Variants in PCDHA5 observed in about 807,000 individuals in gnomAD.
PCDHA5 encodes protocadherin alpha 5, also known as protocadherin alpha-5.
In PCDHA5, 43 loss-of-function variants were observed where a neutral mutation model predicts 61.6. That is an observed-to-expected ratio of 0.70 (90% CI 0.55 to 0.90). The LOEUF (loss-of-function observed/expected upper bound fraction) is 0.90, where lower values mean the gene tolerates loss of function less well. Ranked by LOEUF, PCDHA5 falls within the 40% of genes least tolerant of loss-of-function variation. PCDHA5 has a pLI of 0.00. For synonymous variants in PCDHA5, 627 were observed against 543.9 expected, an observed-to-expected ratio of 1.15 and a Z score of -2.13; for missense variants, 1,298 against 1,222.7, an observed-to-expected ratio of 1.06 and a Z score of -0.92.
At chr5:141,004,833 C>A (rs1421886072) in intron 3 of PCDHA5, among the ~76,000 whole-genome samples, 1 of 152,168 alleles carries the variant, frequency 6.6e-6, no homozygotes, top group Non-Finnish European at 1.5e-5. Flanking sequence ...TTAGATAGAT[C>A]AAAGTCATTA....
intron 1 of PCDHA5, chr5:140,877,744 G>A (rs200651425): frequency 6.2e-7 from 1 of 1,614,080 alleles, no homozygotes; most frequent in African/African-American, 1.3e-5. Flanking sequence ...GAGGCAGAGG[G>A]TGTGCTCTGC....
At chr5:140,867,399 A>C (rs1001723593) in intron 1 of PCDHA5, 2 of 152,166 alleles carry the variant, frequency 1.3e-5, no homozygotes, top group African/African-American at 4.8e-5. Flanking sequence ...AAAAGTTGAT[A>C]TGTCTCCTTT....
chr5:140,837,528 A>G (rs1205185632), intron 1 of PCDHA5, among the ~76,000 whole-genome samples: 2 of 151,654 alleles, frequency 1.3e-5, no homozygotes, highest in African/African-American at 2.4e-5. Flanking sequence ...TTTTTTGTAT[A>G]TTCCCAAGAT....
intron 1 of PCDHA5, chr5:140,966,656 G>A: frequency 8.3e-7 from 1 of 1,203,372 alleles, no homozygotes; most frequent in East Asian, 3.0e-5. Flanking sequence ...GTGAGCGGTG[G>A]GGGAGCAGGC....
chr5:140,947,192 C>T (rs958443362), intron 1 of PCDHA5, among the ~76,000 whole-genome samples: 2 of 151,038 alleles, frequency 1.3e-5, no homozygotes, highest in Admixed American at 6.6e-5. Flanking sequence ...GTATACTACA[C>T]AGCCTTAAAA....
intron 1 of PCDHA5, among the ~76,000 whole-genome samples, chr5:140,923,382 G>A (rs1554201427): frequency 6.6e-6 from 1 of 152,114 alleles, no homozygotes; most frequent in Non-Finnish European, 1.5e-5. Context: ...TTAAAAATTA[G>A]TTGGGCATGG....
In PCDHA5 at chr5:140,883,010, A is replaced by G. The variant is rs149814661; in HGVS notation, c.2352+58883A>G. 9.8e-4 allele frequency: 1,586 copies of G among 1,614,156 alleles called. 2 individuals carry two copies. The highest frequency in any genetic ancestry group is 1.3e-3 in the Non-Finnish European group (1,478 of 1,180,036). ...CCCGGAATTTTACCAATCCGTTTAT[A>G]AAGTGACGGTGTTAGAGAACGCCTT... On this transcript the variant is annotated intron_variant, in intron 1 of 3. Coordinates refer to ENST00000529859, the MANE Select transcript of PCDHA5 (RefSeq NM_018908.3).
At position 140,850,757 on chromosome 5, in the gene PCDHA5, G is replaced by C. The variant is rs1554144879; in HGVS notation, c.2352+26630G>C. On this transcript the variant is annotated intron_variant, in intron 1 of 3. Coordinates refer to ENST00000529859, the MANE Select transcript of PCDHA5 (RefSeq NM_018908.3). ...GGAGTTGGTCGTACTCGCAGCAGAGGAGGCAGAGGGTGTGCTCTGGCGAGG... is the reference window on the plus strand; with the variant it reads ...GGAGTTGGTCGTACTCGCAGCAGAGCAGGCAGAGGGTGTGCTCTGGCGAGG... The C allele has an allele frequency of 1.3e-5, 20 of 1,597,958 alleles. 2 individuals are homozygous for C. The highest frequency in any genetic ancestry group is 1.4e-5 in the Non-Finnish European group (16 of 1,167,660).
At chr5:140,905,035 G>C (rs1554191907) in intron 1 of PCDHA5, among the ~76,000 whole-genome samples, 1 of 152,136 alleles carries the variant, frequency 6.6e-6, no homozygotes. Flanking sequence ...AAGCTTTTTA[G>C]TTTAATTAGG....
rs959323631 is a variant in PCDHA5 at position 140,967,718 on chromosome 5, C to A, written c.2353-11231C>A. The A allele has an allele frequency of 8.7e-6, 14 of 1,614,106 alleles. 1 individual carries two copies. The South Asian group carries it at 1.5e-4, about 18-fold the overall frequency. ...CATAGATGCCAGTACCGGGGAAGTG[C>A]GAGTAATTGGGGGGCTGGATTATGA... On this transcript the variant is annotated intron_variant, in intron 1 of 3. Transcript: ENST00000529859.
intron 3 of PCDHA5, among the ~76,000 whole-genome samples, chr5:141,000,417 A>ATT (rs1563652061): frequency 3.2e-4 from 25 of 77,724 alleles, no homozygotes; most frequent in African/African-American, 1.1e-3. Context: ...ATATATATAT[A>ATT]TATATTTTTT....
chr5:140,936,326 A>G (rs2090913771), intron 1 of PCDHA5, among the ~76,000 whole-genome samples: 1 of 152,138 alleles, frequency 6.6e-6, no homozygotes, highest in South Asian at 2.1e-4. Flanking sequence ...CATGCTATAA[A>G]TTTTCTCTAT....
At chr5:140,883,597 G>T (rs2059691205) in intron 1 of PCDHA5, 3 of 1,614,004 alleles carry the variant, frequency 1.9e-6, no homozygotes, top group Middle Eastern at 1.7e-4. Context: ...GCGTGTCGGT[G>T]GGGGTGGCCG....
intron 1 of PCDHA5, chr5:140,857,366 G>C: frequency 2.5e-6 from 4 of 1,598,350 alleles, no homozygotes; most frequent in Non-Finnish European, 3.4e-6. Flanking sequence ...CACGGCCAGC[G>C]TGTCTGTGGA....
chr5:140,938,616 A>G (rs1366566018), intron 1 of PCDHA5, among the ~76,000 whole-genome samples: 1 of 152,130 alleles, frequency 6.6e-6, no homozygotes, highest in Non-Finnish European at 1.5e-5. Flanking sequence ...TCTTGGAATA[A>G]ACTCAGGTTG....
At chr5:140,981,537 G>C (rs375537131) in intron 2 of PCDHA5, among the ~76,000 whole-genome samples, 2 of 152,290 alleles carry the variant, frequency 1.3e-5, no homozygotes, top group East Asian at 3.9e-4. Context: ...TCGTGCCACT[G>C]TACTCCAGCC....
Position 140,823,057 on chromosome 5 carries a change from G to T in PCDHA5, c.1282G>T (p.Asp428Tyr). The change falls in exon 1 of 4, where the codon GAC (aspartate) becomes TAC (tyrosine). Residue 428 changes from aspartate (D) to tyrosine (Y), a missense_variant. Coordinates refer to ENST00000529859, the MANE Select transcript of PCDHA5 (RefSeq NM_018908.3). The part of the protein sequence containing the change: ...SVYELVVTAR[D>Y]GGSPSLWATA... The stretch of plus-strand genomic sequence containing the variant: ...CTATGAGCTGGTGGTGACCGCGCGG[G>T]ACGGGGGCTCGCCTTCGCTGTGGGC... 18 of 1,614,174 alleles carry T rather than the reference G, an allele frequency of 1.1e-5. No individual in the cohort carries two copies. The highest frequency in any genetic ancestry group is 2.2e-5 in the East Asian group (1 of 44,890).
At chr5:140,927,226 A>T in intron 1 of PCDHA5, 5 of 1,613,996 alleles carry the variant, frequency 3.1e-6, no homozygotes, top group Non-Finnish European at 4.2e-6. Context: ...CAAGATTCGG[A>T]TTCACGTCCT....
chr5:140,880,689 T>C lies in PCDHA5; in HGVS notation c.2352+56562T>C, dbSNP rs957358698. 1.2e-4 allele frequency among the ~76,000 whole-genome samples: 18 copies of C among 152,326 alleles called. No homozygotes were observed. In the South Asian group the frequency reaches 3.7e-3, roughly 32 times the overall value. Reference sequence around the variant, plus strand: ...AGAGTAAATTTGAAGAGAATAGTCATGGTTAAGTGACAATGTTGAGCAGCT... The same window carrying C: ...AGAGTAAATTTGAAGAGAATAGTCACGGTTAAGTGACAATGTTGAGCAGCT... On this transcript the variant is annotated intron_variant, in intron 1 of 3. Transcript: ENST00000529859.
Sources: allele counts gnomAD v4.1 joint callset (sites outside exome capture counted in the v4.1 genomes callset), GRCh38; gene constraint gnomAD v4.1.1; transcripts MANE v1.5; gene names NCBI Gene and HGNC (gene_info 2026-07-23, HGNC 2026-07-21).